IKZF1: variants seen among roughly 807,000 people sequenced by gnomAD.
IKZF1 encodes the protein IKAROS family zinc finger 1, also known as DNA-binding protein Ikaros.
In IKZF1, 10 loss-of-function variants were observed where a neutral mutation model predicts 51.7. The observed-to-expected ratio is 0.19, with a 90% CI of 0.12 to 0.33. The LOEUF (loss-of-function observed/expected upper bound fraction) is 0.33, where lower values mean the gene tolerates loss of function less well. Ranked by LOEUF, IKZF1 falls within the 10% of genes least tolerant of loss-of-function variation. IKZF1 has a pLI of 1.00. For missense variants in IKZF1, 484 were observed against 707.5 expected, an observed-to-expected ratio of 0.68 and a Z score of 3.58; for synonymous variants, 280 against 282.3, an observed-to-expected ratio of 0.99 and a Z score of 0.08.
At chr7:50,349,950 C>G (rs1173162666) in intron 3 of IKZF1, among the ~76,000 whole-genome samples, 1 of 152,242 alleles carries the variant, frequency 6.6e-6, no homozygotes, top group African/African-American at 2.4e-5. Context: ...TTTATAAATT[C>G]ATTCAGAAAG....
intron 2 of IKZF1, 46 bp downstream of exon 2, chr7:50,319,147 T>G: frequency 1.3e-6 from 2 of 1,571,648 alleles, no homozygotes; most frequent in African/African-American, 1.3e-5. Context: ...TGAGAAAAGC[T>G]TCCCTGGGGC....
intron 3 of IKZF1, chr7:50,368,517 G>C: frequency 1.7e-6 from 1 of 581,292 alleles, no homozygotes; most frequent in Non-Finnish European, 3.0e-6. Flanking sequence ...ATTAATTTCA[G>C]AACTGAGAAG....
intron 7 of IKZF1, among the ~76,000 whole-genome samples, chr7:50,393,258 A>C (rs1026707399): frequency 6.6e-6 from 1 of 152,144 alleles, no homozygotes; most frequent in African/African-American, 2.4e-5. Context: ...CTTGATGAAA[A>C]GGATAACACC....
In IKZF1 at chr7:50,402,890, A is replaced by G. The variant is rs1818387990; in HGVS notation, c.*2263A>G. On this transcript the variant is annotated 3_prime_UTR_variant, in exon 8 of 8. Transcript: ENST00000331340. The stretch of plus-strand genomic sequence containing the variant: ...CAGCACTCCTTCAATATGCAATCAC[A>G]GAGAAAGATGCGCCTTATCCAAGTT... 1 of 229,470 alleles carries G rather than the reference A, an allele frequency of 4.4e-6. No individual in the cohort carries two copies. The highest frequency in any genetic ancestry group is 2.2e-5 in the African/African-American group (1 of 45,138). The allele number at this position is 229,470 out of a possible 1,614,324, so 14.2% of individuals were successfully genotyped here. A position where few individuals can be genotyped will look rare whatever the true frequency, so the allele number is the denominator to read the frequency against.
chr7:50,341,208 A>T (rs1798991122), intron 3 of IKZF1, among the ~76,000 whole-genome samples: 1 of 137,852 alleles, frequency 7.3e-6, no homozygotes, highest in Non-Finnish European at 1.5e-5. Context: ...CAGTGGTGTG[A>T]TCTTGGCTCA....
At chr7:50,352,275 C>T (rs1373143098) in intron 3 of IKZF1, among the ~76,000 whole-genome samples, 1 of 152,180 alleles carries the variant, frequency 6.6e-6, no homozygotes, top group Non-Finnish European at 1.5e-5. Context: ...CTCTTATCTG[C>T]TTGGATAGTA....
At chr7:50,385,540 C>G (rs1175838685) in intron 5 of IKZF1, among the ~76,000 whole-genome samples, 1 of 152,164 alleles carries the variant, frequency 6.6e-6, no homozygotes, top group Admixed American at 6.5e-5. Flanking sequence ...TTGGAAGTTG[C>G]AAGCTTAGAA....
rs1384646310 is a variant in IKZF1, at chr7:50,376,408, A to G, written c.161-125A>G. 3.4e-6 allele frequency: 5 copies of G among 1,467,068 alleles called. No individual in the cohort carries two copies. The highest frequency in any genetic ancestry group is 4.6e-6 in the Non-Finnish European group (5 of 1,095,364). 90.9% of individuals were successfully genotyped at this position (1,467,068 alleles called of 1,614,324 possible). On this transcript the variant is annotated intron_variant, in intron 3 of 7. Transcript: ENST00000331340. This position sits in a 1 kb window ranked among gnomAD's most constrained non-coding sequence, Gnocchi z 4.5. ...GAGCTCAGGCTGCTCTCCCCTTGGTATTTGCTAAGAACTTCTGTTTAGTAG... is the reference window on the plus strand; with the variant it reads ...GAGCTCAGGCTGCTCTCCCCTTGGTGTTTGCTAAGAACTTCTGTTTAGTAG...
chr7:50,325,435 AAG>A (rs893792351), intron 2 of IKZF1, among the ~76,000 whole-genome samples: 6 of 152,120 alleles, frequency 3.9e-5, no homozygotes, highest in African/African-American at 1.4e-4. Context: ...CCATTTATGA[AAG>A]AGGTGAAAAC....
At chr7:50,364,693 C>A (rs1007965455) in intron 3 of IKZF1, among the ~76,000 whole-genome samples, 2 of 152,228 alleles carry the variant, frequency 1.3e-5, no homozygotes, top group Non-Finnish European at 2.9e-5. Context: ...GCTCATTTTG[C>A]AGCTTGCCAG....
intron 3 of IKZF1, among the ~76,000 whole-genome samples, chr7:50,330,863 G>T (rs938942036): frequency 2.0e-5 from 3 of 152,166 alleles, no homozygotes; most frequent in African/African-American, 7.2e-5. Context: ...AAATGGAGTT[G>T]CTGAAATGCA....
At chr7:50,326,826 C>G (rs1398129776) in intron 2 of IKZF1, among the ~76,000 whole-genome samples, 1 of 152,212 alleles carries the variant, frequency 6.6e-6, no homozygotes, top group Non-Finnish European at 1.5e-5. Context: ...GGGTTCCCTT[C>G]CATTCCTTGT....
intron 3 of IKZF1, among the ~76,000 whole-genome samples, chr7:50,341,330 A>G (rs1005920280): frequency 1.2e-4 from 18 of 151,926 alleles, no homozygotes; most frequent in Non-Finnish European, 2.4e-4. Flanking sequence ...TTTAATAGAG[A>G]TGGGGTTTCA....
intron 3 of IKZF1, among the ~76,000 whole-genome samples, chr7:50,346,858 T>A (rs1050442835): frequency 6.6e-6 from 1 of 152,246 alleles, no homozygotes; most frequent in Admixed American, 6.5e-5. Context: ...ATTCCATTTC[T>A]GAGGGGCAGA....
At chr7:50,310,058 A>C (rs1041434345) in intron 1 of IKZF1, among the ~76,000 whole-genome samples, 1 of 152,242 alleles carries the variant, frequency 6.6e-6, no homozygotes, top group East Asian at 1.9e-4. Context: ...CTGCAAAAAC[A>C]TATTGATAAA....
At chr7:50,362,738 G>A (rs139625327) in intron 3 of IKZF1, among the ~76,000 whole-genome samples, 8 of 152,132 alleles carry the variant, frequency 5.3e-5, no homozygotes, top group South Asian at 2.1e-4. Flanking sequence ...TTTTCTCATC[G>A]TAACAGTGCA....
rs2153468353 is a variant in IKZF1 at position 50,376,518 on chromosome 7, T to C, written c.161-15T>C. The stretch of plus-strand genomic sequence containing the variant: ...TGCAATGACACTGAGTGGCCTCCTG[T>C]ATTGTTTCTTTCAGCCAGTAATGTT... On this transcript the variant is annotated splice_polypyrimidine_tract_variant and intron_variant, in intron 3 of 7. Coordinates refer to ENST00000331340, the MANE Select transcript of IKZF1 (RefSeq NM_006060.6). This position sits in a 1 kb window ranked among gnomAD's most constrained non-coding sequence, Gnocchi z 4.5. 2 of 1,613,068 alleles carry C rather than the reference T, an allele frequency of 1.2e-6. No individual in the cohort carries two copies. Among genetic ancestry groups the C allele is most frequent in the Non-Finnish European group, 1.7e-6 (2 of 1,179,234 alleles).
At chr7:50,342,785 G>GTGCA (rs1470694271) in intron 3 of IKZF1, among the ~76,000 whole-genome samples, 1 of 152,142 alleles carries the variant, frequency 6.6e-6, no homozygotes, top group Non-Finnish European at 1.5e-5. Context: ...GCTCCGCAGT[G>GTGCA]TGCAGCCCAG....
intron 3 of IKZF1, chr7:50,368,324 T>A (rs1562843980): frequency 1.4e-6 from 1 of 703,220 alleles, no homozygotes; most frequent in African/African-American, 1.7e-5. Flanking sequence ...CTGATGGGAT[T>A]GTTACTTCGC....
Sources: allele counts gnomAD v4.1 joint callset (sites outside exome capture counted in the v4.1 genomes callset), GRCh38; gene constraint gnomAD v4.1.1; non-coding constraint Gnocchi (gnomAD v3.1); transcripts MANE v1.5; gene names NCBI Gene and HGNC (gene_info 2026-07-23, HGNC 2026-07-21).